The following RARB variants were observed in gnomAD, a reference collection of about 807,000 sequenced individuals.
The protein encoded by RARB is HBV-activated protein.
In RARB, 17 loss-of-function variants were observed where a neutral mutation model predicts 51.9. That is an observed-to-expected ratio of 0.33 (90% CI 0.22 to 0.49). The LOEUF (loss-of-function observed/expected upper bound fraction) is 0.49. Ranked by LOEUF, RARB falls within the 20% of genes least tolerant of loss-of-function variation. The pLI is 0.99. For missense variants in RARB, 369 were observed against 550.8 expected (o/e 0.67, Z 3.30); for synonymous variants, 215 against 195.4 (o/e 1.10, Z -0.84).
intron 2 of RARB, among the ~76,000 whole-genome samples, chr3:25,475,632 T>C (rs1695908365): frequency 6.6e-6 from 1 of 152,324 alleles, no homozygotes; most frequent in South Asian, 2.1e-4. Flanking sequence ...GCACAGTCAA[T>C]GGATGTGGGT....
chr3:25,498,656 TCTCTC>T (rs1473687351), intron 2 of RARB, among the ~76,000 whole-genome samples: 1 of 151,876 alleles, frequency 6.6e-6, no homozygotes, highest in Non-Finnish European at 1.5e-5. Flanking sequence ...AGATTGTTCT[TCTCTC>T]CTTTCTGGTC....
At chr3:24,965,221 G>T (rs543572524) in intron 2 of RARB, among the ~76,000 whole-genome samples, 1 of 152,104 alleles carries the variant, frequency 6.6e-6, no homozygotes, top group South Asian at 2.1e-4. Context: ...GTGTATTTTT[G>T]TCAGGTATTT....
intron 2 of RARB, among the ~76,000 whole-genome samples, chr3:24,968,208 C>G (rs1406626862): frequency 6.6e-6 from 1 of 152,102 alleles, no homozygotes; most frequent in African/African-American, 2.4e-5. Flanking sequence ...ATGTGTAAAT[C>G]TAATGCCATC....
chr3:25,123,295 T>A (rs917396450), intron 3 of RARB, among the ~76,000 whole-genome samples: 1 of 152,206 alleles, frequency 6.6e-6, no homozygotes, highest in African/African-American at 2.4e-5. Flanking sequence ...TTTTCAGGAC[T>A]GAGCATCTGT....
chr3:24,966,717 G>A (rs1412167616), intron 2 of RARB, among the ~76,000 whole-genome samples: 3 of 151,722 alleles, frequency 2.0e-5, no homozygotes, highest in Non-Finnish European at 4.4e-5. Context: ...GTTGTCTAAA[G>A]TATGGGTTCA....
intron 3 of RARB, among the ~76,000 whole-genome samples, chr3:25,088,568 C>T (rs910028033): frequency 3.3e-5 from 5 of 152,012 alleles, no homozygotes; most frequent in South Asian, 2.1e-4. Context: ...TTTCCATATA[C>T]CCAATGGGAG....
At chr3:25,156,911 T>G (rs949949704) in intron 4 of RARB, among the ~76,000 whole-genome samples, 1 of 152,246 alleles carries the variant, frequency 6.6e-6, no homozygotes, top group Non-Finnish European at 1.5e-5. Context: ...AACTTCTGGC[T>G]AACTGGACAG....
chr3:25,313,536 G>T (rs1225112330), intron 5 of RARB, among the ~76,000 whole-genome samples: 2 of 152,146 alleles, frequency 1.3e-5, no homozygotes, highest in African/African-American at 4.8e-5. Flanking sequence ...CAGAGATTTT[G>T]CAAGCTCTTT....
At chr3:25,221,948 T>C (rs1469921577) in intron 5 of RARB, among the ~76,000 whole-genome samples, 1 of 152,188 alleles carries the variant, frequency 6.6e-6, no homozygotes, top group Non-Finnish European at 1.5e-5. Context: ...GACATTACTA[T>C]TAGCACATGT....
chr3:25,037,438 TG>T (rs1698020907), intron 2 of RARB, among the ~76,000 whole-genome samples: 2 of 152,114 alleles, frequency 1.3e-5, no homozygotes, highest in Admixed American at 1.3e-4. Flanking sequence ...CTGACTGTTT[TG>T]TTCACACTGC....
intron 5 of RARB, among the ~76,000 whole-genome samples, chr3:25,247,026 G>A (rs1192647424): frequency 1.3e-5 from 2 of 152,244 alleles, no homozygotes; most frequent in Non-Finnish European, 2.9e-5. Flanking sequence ...TGCCCAGAGA[G>A]GAGGAATCTA....
At chr3:25,330,425 G>A (rs1704857798) in intron 5 of RARB, among the ~76,000 whole-genome samples, 1 of 152,274 alleles carries the variant, frequency 6.6e-6, no homozygotes, top group East Asian at 1.9e-4. Flanking sequence ...AGCTTCATAA[G>A]TGAAGGAGAA....
At chr3:25,303,107 T>C (rs1424961215) in intron 5 of RARB, among the ~76,000 whole-genome samples, 1 of 152,206 alleles carries the variant, frequency 6.6e-6, no homozygotes, top group African/African-American at 2.4e-5. Context: ...TCTTTCTCAG[T>C]AGGCTCCTTG....
chr3:24,967,875 T>C (rs1696311276), intron 2 of RARB, among the ~76,000 whole-genome samples: 1 of 152,150 alleles, frequency 6.6e-6, no homozygotes, highest in Non-Finnish European at 1.5e-5. Flanking sequence ...TTGAATGACT[T>C]TCCAATTGTA....
At chr3:24,995,401 T>C (rs1381504353) in intron 2 of RARB, among the ~76,000 whole-genome samples, 1 of 152,140 alleles carries the variant, frequency 6.6e-6, no homozygotes, top group Admixed American at 6.6e-5. Flanking sequence ...ATGTATAATA[T>C]GTCATCTGCA....
At chr3:24,913,020 G>A (rs539381001) in intron 2 of RARB, among the ~76,000 whole-genome samples, 3 of 85,970 alleles carry the variant, frequency 3.5e-5, no homozygotes, top group East Asian at 6.9e-4. Flanking sequence ...TCGCTCTGTC[G>A]CTCAGGCTGG....
chr3:25,502,021 G>A (rs1697342049), intron 3 of RARB, among the ~76,000 whole-genome samples: 1 of 152,164 alleles, frequency 6.6e-6, no homozygotes, highest in Admixed American at 6.5e-5. Context: ...CAAATGTAGG[G>A]AATAAGAAAG....
intron 5 of RARB, among the ~76,000 whole-genome samples, chr3:25,332,355 G>T (rs1704925196): frequency 1.3e-5 from 2 of 152,200 alleles, no homozygotes; most frequent in African/African-American, 4.8e-5. Context: ...TCCCTGGGAT[G>T]CAAGGCTGGT....
intron 5 of RARB, among the ~76,000 whole-genome samples, chr3:25,253,356 C>T (rs1369516191): frequency 6.6e-6 from 1 of 152,140 alleles, no homozygotes; most frequent in African/African-American, 2.4e-5. Flanking sequence ...TTTTACTATT[C>T]TGGGAAATTC....
Sources: gnomAD v4.1 joint callset for allele counts (sites outside exome capture counted in the v4.1 genomes callset) on GRCh38, gnomAD v4.1.1 for gene constraint, MANE v1.5 for transcripts, NCBI Gene and HGNC (gene_info 2026-07-23, HGNC 2026-07-21) for gene names.